Variants in ROBO1 observed in about 807,000 individuals in gnomAD.
ROBO1 encodes roundabout homolog 1.
ROBO1 carries 149 observed loss-of-function variants against 195.9 expected under a neutral mutation model. The ratio of observed to expected loss-of-function variants is 0.76; its 90% confidence interval spans 0.67 to 0.87. The LOEUF (loss-of-function observed/expected upper bound fraction) is 0.87. Ranked by LOEUF, ROBO1 falls within the 40% of genes least tolerant of loss-of-function variation. The probability of loss-of-function intolerance (pLI) is 0.00; values close to 1 mark genes in which losing one functional copy is unlikely to be tolerated. For synonymous variants in ROBO1, 816 were observed against 733.2 expected (o/e 1.11, Z -1.82); for missense variants, 1,933 against 2,068.3 (o/e 0.93, Z 1.27).
intron 4 of ROBO1, among the ~76,000 whole-genome samples, chr3:78,760,714 T>C (rs2083077425): frequency 6.6e-6 from 1 of 152,144 alleles, no homozygotes; most frequent in African/African-American, 2.4e-5. Flanking sequence ...TTATCATGGC[T>C]CACGGCAACA....
At chr3:78,774,330 A>T (rs141428974) in intron 4 of ROBO1, among the ~76,000 whole-genome samples, 4,822 of 148,632 alleles carry the variant, frequency 0.032, 243 homozygotes, top group African/African-American at 0.11. Flanking sequence ...TTTTTTTTTG[A>T]GACGGAGTCT....
At chr3:79,143,097 T>C (rs115170849) in intron 2 of ROBO1, among the ~76,000 whole-genome samples, 86 of 152,234 alleles carry the variant, frequency 5.6e-4, no homozygotes, top group African/African-American at 2.0e-3. Context: ...TAGTAGTAAT[T>C]GGTATAAATA....
intron 3 of ROBO1, among the ~76,000 whole-genome samples, chr3:78,998,191 A>G (rs1160578381): frequency 6.6e-6 from 1 of 152,206 alleles, no homozygotes; most frequent in Non-Finnish European, 1.5e-5. Flanking sequence ...ATTGAAGATA[A>G]TGCAGCTAAT....
intron 2 of ROBO1, among the ~76,000 whole-genome samples, chr3:79,546,353 C>T (rs1942264029): frequency 6.6e-6 from 1 of 152,004 alleles, no homozygotes; most frequent in Non-Finnish European, 1.5e-5. Flanking sequence ...AGATTTTTGA[C>T]TCTGCATGGA....
At chr3:78,812,098 T>C (rs971297638) in intron 4 of ROBO1, among the ~76,000 whole-genome samples, 1 of 152,088 alleles carries the variant, frequency 6.6e-6, no homozygotes. Flanking sequence ...ACACGTTTTG[T>C]TATGTGGAGG....
intron 3 of ROBO1, among the ~76,000 whole-genome samples, chr3:78,959,823 CACA>C (rs1358025999): frequency 3.9e-5 from 6 of 152,248 alleles, no homozygotes; most frequent in Admixed American, 3.3e-4. Context: ...ACACAGATAG[CACA>C]ACATTTCAGC....
chr3:78,939,750 GTTT>G (rs2040033142), intron 3 of ROBO1, among the ~76,000 whole-genome samples: 1 of 151,074 alleles, frequency 6.6e-6, no homozygotes. Context: ...CTTCCCCAGA[GTTT>G]TTATTAATAA....
At chr3:79,352,834 G>A (rs2035395998) in intron 2 of ROBO1, among the ~76,000 whole-genome samples, 1 of 152,120 alleles carries the variant, frequency 6.6e-6, no homozygotes, top group Non-Finnish European at 1.5e-5. Context: ...AACTAAAAAT[G>A]ATTTATAGAT....
At chr3:79,408,549 A>G (rs2037642065) in intron 2 of ROBO1, among the ~76,000 whole-genome samples, 1 of 152,112 alleles carries the variant, frequency 6.6e-6, no homozygotes, top group Admixed American at 6.6e-5. Context: ...TAACTGCTAT[A>G]AAAACAGGAT....
At chr3:79,097,448 T>G (rs1471960383) in intron 3 of ROBO1, among the ~76,000 whole-genome samples, 2 of 151,776 alleles carry the variant, frequency 1.3e-5, no homozygotes, top group Non-Finnish European at 2.9e-5. Context: ...ATGTGTTCAT[T>G]GAAAACAAAA....
At chr3:79,592,482 G>A (rs562471326) in intron 1 of ROBO1, among the ~76,000 whole-genome samples, 114 of 152,066 alleles carry the variant, frequency 7.5e-4, no homozygotes, top group African/African-American at 2.7e-3. Context: ...AATGGGAATT[G>A]CATTATTAGC....
intron 2 of ROBO1, among the ~76,000 whole-genome samples, chr3:79,216,800 A>G (rs2082062226): frequency 6.6e-6 from 1 of 152,054 alleles, no homozygotes; most frequent in East Asian, 1.9e-4. Flanking sequence ...GGAATAAGGT[A>G]AAAATATGGG....
At chr3:79,542,447 A>C (rs1343256197) in intron 2 of ROBO1, among the ~76,000 whole-genome samples, 1 of 152,072 alleles carries the variant, frequency 6.6e-6, no homozygotes, top group Non-Finnish European at 1.5e-5. Flanking sequence ...TGCATTAGAA[A>C]AACTGACATA....
intron 4 of ROBO1, among the ~76,000 whole-genome samples, chr3:78,755,819 T>C (rs2082915029): frequency 6.6e-6 from 1 of 152,180 alleles, no homozygotes; most frequent in South Asian, 2.1e-4. Context: ...ATTTAAAACA[T>C]GATTTGAGAG....
At position 79,078,342 on chromosome 3, in the gene ROBO1, A is replaced by C. The variant is rs1237198043; in HGVS notation, c.172+47114T>G. Among the ~76,000 whole-genome samples, 3 of 151,818 alleles carry C rather than the reference A, an allele frequency of 2.0e-5. No individual in the cohort carries two copies. In the South Asian group the frequency reaches 6.2e-4, roughly 31 times the overall value. ...TAAGATAGGCCTGTTCAATATATGTAGGTTGTACCCTCTAGTGACTACCAC... is the reference window on the plus strand; with the variant it reads ...TAAGATAGGCCTGTTCAATATATGTCGGTTGTACCCTCTAGTGACTACCAC... On this transcript the variant is annotated intron_variant, in intron 3 of 30. Coordinates refer to ENST00000464233, the MANE Select transcript of ROBO1 (RefSeq NM_002941.4).
intron 3 of ROBO1, among the ~76,000 whole-genome samples, chr3:79,112,920 AT>A (rs2079915411): frequency 6.6e-6 from 1 of 152,184 alleles, no homozygotes; most frequent in African/African-American, 2.4e-5. Flanking sequence ...TAATAAAAAA[AT>A]AAGTTTTAAA....
At chr3:78,701,882 T>A (rs2107943333) in intron 8 of ROBO1, among the ~76,000 whole-genome samples, 1 of 152,314 alleles carries the variant, frequency 6.6e-6, no homozygotes. Flanking sequence ...CTATATTTTG[T>A]CTTATACTTA....
At chr3:79,272,395 A>G (rs2030645061) in intron 2 of ROBO1, among the ~76,000 whole-genome samples, 1 of 152,102 alleles carries the variant, frequency 6.6e-6, no homozygotes, top group South Asian at 2.1e-4. Context: ...TCCTCCTTGC[A>G]GAAACATCAC....
intron 2 of ROBO1, among the ~76,000 whole-genome samples, chr3:79,153,771 A>G (rs959743415): frequency 1.3e-5 from 2 of 148,318 alleles, no homozygotes; most frequent in Non-Finnish European, 3.0e-5. Flanking sequence ...TATTGTTTAT[A>G]TGTAATATAA....
Sources: allele counts gnomAD v4.1 joint callset (sites outside exome capture counted in the v4.1 genomes callset), GRCh38; gene constraint gnomAD v4.1.1; transcripts MANE v1.5; gene names NCBI Gene and HGNC (gene_info 2026-07-23, HGNC 2026-07-21).